Variants in COL4A4 observed in about 807,000 individuals in gnomAD.
COL4A4 encodes the protein collagen type IV alpha 4 chain.
COL4A4 carries 105 observed loss-of-function variants against 192.9 expected under a neutral mutation model. The ratio of observed to expected loss-of-function variants is 0.54; its 90% CI spans 0.46 to 0.64. COL4A4 has a LOEUF of 0.64. COL4A4 is among the 30% of genes least tolerant of loss of function. The pLI is 0.00. For synonymous variants in COL4A4, 762 were observed against 769.9 expected, an observed-to-expected ratio of 0.99 and a Z score of 0.17; for missense variants, 1,967 against 2,169.3, an observed-to-expected ratio of 0.91 and a Z score of 1.85.
chr2:227,046,091 G>GATATATATATA (rs1972799112), intron 35 of COL4A4, among the ~76,000 whole-genome samples: 1 of 131,546 alleles, frequency 7.6e-6, no homozygotes, highest in African/African-American at 3.0e-5. Context: ...AGATATATAT[G>GATATATATATA]TACATATATA....
At chr2:226,972,102 T>C in the COL4A4 span, among the ~76,000 whole-genome samples, 1 of 152,054 alleles carries the variant, frequency 6.6e-6, no homozygotes, top group South Asian at 2.1e-4. Context: ...CAACAGGCCT[T>C]GGTGTGTGCT....
downstream of COL4A4, among the ~76,000 whole-genome samples, chr2:227,001,339 C>T (rs533995698): frequency 6.6e-6 from 1 of 152,214 alleles, no homozygotes; most frequent in African/African-American, 2.4e-5. Context: ...ATGATCCGCC[C>T]ACCTTGGACA....
At chr2:227,013,716 C>G (rs1964297890) in intron 44 of COL4A4, among the ~76,000 whole-genome samples, 1 of 152,186 alleles carries the variant, frequency 6.6e-6, no homozygotes, top group South Asian at 2.1e-4. Flanking sequence ...GCGGCCCGAG[C>G]AGACCAACAC....
intron 33 of COL4A4, 25 bp downstream of exon 33, chr2:227,050,952 C>T: frequency 6.2e-7 from 1 of 1,613,942 alleles, no homozygotes; most frequent in Non-Finnish European, 8.5e-7. Flanking sequence ...ATTGTCTCTT[C>T]CCCCACAAAG....
At chr2:227,012,855 T>C (rs985278698) in intron 44 of COL4A4, among the ~76,000 whole-genome samples, 10 of 152,304 alleles carry the variant, frequency 6.6e-5, no homozygotes, top group Middle Eastern at 3.4e-3. Flanking sequence ...TTTACGTGGA[T>C]TGTCCAATTC....
intron 4 of COL4A4, among the ~76,000 whole-genome samples, chr2:227,135,942 C>T (rs1291562481): frequency 6.6e-6 from 1 of 152,150 alleles, no homozygotes; most frequent in African/African-American, 2.4e-5. Context: ...CCATGCCTGG[C>T]CCCTGAATTT....
intron 4 of COL4A4, among the ~76,000 whole-genome samples, chr2:227,131,097 A>G (rs2062427531): frequency 6.6e-6 from 1 of 152,010 alleles, no homozygotes; most frequent in Non-Finnish European, 1.5e-5. Flanking sequence ...TTCCCTTCTT[A>G]AAATCTTTCA....
rs114538442 is a variant in COL4A4 at position 227,013,950 on chromosome 2, C to T, written c.4217-1653G>A. ...ACAGACGCTGACCGAAACCCTCTAC[C>T]CTTAAAGCAGCAACCCTGTCATGAA... is the stretch of plus-strand genomic sequence containing the variant. On this transcript the variant is annotated intron_variant, in intron 44 of 47. Transcript: ENST00000396625. Among the ~76,000 whole-genome samples the T allele has an allele frequency of 8.2e-3, 1,241 of 152,208 alleles. 19 individuals are homozygous for T. The highest frequency in any genetic ancestry group is 0.028 in the African/African-American group (1,160 of 41,530).
At chr2:227,054,455 TA>T in intron 31 of COL4A4, 138 bp downstream of exon 31, 1 of 937,992 alleles carries the variant, frequency 1.1e-6, no homozygotes, top group Non-Finnish European at 1.6e-6. Context: ...TTTAAAATTC[TA>T]AAACAAATAC....
intron 25 of COL4A4, among the ~76,000 whole-genome samples, chr2:227,072,088 TAATG>T (rs1192650116): frequency 1.3e-5 from 2 of 151,328 alleles, no homozygotes; most frequent in African/African-American, 4.9e-5. Flanking sequence ...TATGAAAAAT[TAATG>T]AATAAAAAGC....
chr2:226,995,764 G>T, the COL4A4 span: 1 of 507,952 alleles, frequency 2.0e-6, no homozygotes, highest in East Asian at 3.3e-5. Flanking sequence ...TCCATGAAGA[G>T]ACCAGTTTCC....
chr2:227,131,590 G>C (rs1037446297), intron 4 of COL4A4, among the ~76,000 whole-genome samples: 1 of 152,200 alleles, frequency 6.6e-6, no homozygotes, highest in Non-Finnish European at 1.5e-5. Flanking sequence ...AGCGGAGGCT[G>C]TTCCCCTTGT....
At chr2:227,041,858 GAAAGAAAGAAAGAA>G (rs1373438248) in intron 37 of COL4A4, among the ~76,000 whole-genome samples, 174 of 98,554 alleles carry the variant, frequency 1.8e-3, no homozygotes, top group South Asian at 2.9e-3. Flanking sequence ...GAGAAAGAAA[GAAAGAAAGAAAGAA>G]AGAAAGAAAG....
the COL4A4 span, among the ~76,000 whole-genome samples, chr2:226,991,391 C>T: frequency 1.8e-3 from 269 of 152,100 alleles, 3 homozygotes; most frequent in African/African-American, 6.1e-3. Context: ...CACGTTGGCC[C>T]GGATGGTCTC....
At chr2:227,125,409 G>A (rs1276584460) in intron 4 of COL4A4, among the ~76,000 whole-genome samples, 2 of 151,816 alleles carry the variant, frequency 1.3e-5, no homozygotes, top group Non-Finnish European at 2.9e-5. Flanking sequence ...GGGTTTCACT[G>A]TGTTGGCCAG....
chr2:227,053,537 CTTTTTCTTTT>C (rs1224566101), intron 31 of COL4A4, among the ~76,000 whole-genome samples: 4 of 128,804 alleles, frequency 3.1e-5, no homozygotes, highest in Non-Finnish European at 4.8e-5. Flanking sequence ...ACATTTTTTT[CTTTTTCTTTT>C]TTTTTTTTTT....
the COL4A4 span, among the ~76,000 whole-genome samples, chr2:226,981,626 GATA>G: frequency 1.3e-5 from 2 of 151,966 alleles, no homozygotes; most frequent in Non-Finnish European, 1.5e-5. Context: ...TTGGGAGAGG[GATA>G]ATGAGTTAAT....
At chr2:227,094,006 C>T (rs1163460741) in intron 20 of COL4A4, 119 bp downstream of exon 20, 3 of 941,334 alleles carry the variant, frequency 3.2e-6, no homozygotes, top group South Asian at 1.7e-5. Flanking sequence ...AGACAACCAA[C>T]TTAGCTCATG....
At position 227,089,975 on chromosome 2, in the gene COL4A4, G is replaced by A. The variant is rs1247516393; in HGVS notation, c.1370-18C>T. ...GTATATCACTGTCAAGGAGGTAAGG[G>A]GGTGGGCAGAGAGAATCACATAATT... On this transcript the variant is annotated intron_variant, in intron 20 of 47. Transcript: ENST00000396625. 6.3e-7 allele frequency: 1 copy of A among 1,594,204 alleles called. No homozygotes were observed. The highest frequency in any genetic ancestry group is 1.7e-5 in the Admixed American group (1 of 59,890).
Sources: allele counts gnomAD v4.1 joint callset (sites outside exome capture counted in the v4.1 genomes callset), GRCh38; gene constraint gnomAD v4.1.1; transcripts MANE v1.5; gene names NCBI Gene and HGNC (gene_info 2026-07-23, HGNC 2026-07-21).